ARFGEF3: variants seen among roughly 807,000 people sequenced by gnomAD.
ARFGEF3 encodes the protein brefeldin A-inhibited guanine nucleotide-exchange protein 3.
A neutral mutation model predicts 221.7 loss-of-function variants in ARFGEF3; 96 were observed. The observed-to-expected ratio is 0.43, with a 90% confidence interval of 0.37 to 0.51. The LOEUF is 0.51. Ranked by LOEUF, ARFGEF3 falls within the 20% of genes least tolerant of loss-of-function variation. ARFGEF3 has a pLI of 0.00. For synonymous variants in ARFGEF3, 1,145 were observed against 1,126.8 expected (o/e 1.02, Z -0.32); for missense variants, 2,410 against 2,789.9 (o/e 0.86, Z 3.07).
At position 138,298,658 on chromosome 6, in the gene ARFGEF3, A is replaced by G; in HGVS notation, c.3701A>G (p.His1234Arg). ...TCTCAGAAGGCTGTTTCCTTCATCC[A>G]TGACATACTGACAGAAGTCCTCACT... ...HVSQKAVSFI[H>R]DILTEVLTDW... Residue 1234 changes from histidine to arginine, a missense_variant, in exon 22 of 34, where the codon CAT (histidine) becomes CGT (arginine). Transcript: ENST00000251691. 1 of 1,613,640 alleles carries G rather than the reference A, an allele frequency of 6.2e-7. No individual in the cohort carries two copies. The highest frequency in any genetic ancestry group is 8.5e-7 in the Non-Finnish European group (1 of 1,179,776).
At chr6:138,194,011 C>G (rs929059948) in intron 2 of ARFGEF3, among the ~76,000 whole-genome samples, 5 of 152,114 alleles carry the variant, frequency 3.3e-5, no homozygotes, top group African/African-American at 7.2e-5. Context: ...CGGTGGCTCA[C>G]GCCTGTAATC....
At chr6:138,306,913 A>G (rs1478795983) in intron 22 of ARFGEF3, among the ~76,000 whole-genome samples, 1 of 151,746 alleles carries the variant, frequency 6.6e-6, no homozygotes, top group African/African-American at 2.4e-5. Flanking sequence ...GCTGTGGAAA[A>G]ATATTTGCAA....
intron 32 of ARFGEF3, 68 bp downstream of exon 32, chr6:138,328,210 C>T: frequency 6.7e-7 from 1 of 1,481,572 alleles, no homozygotes; most frequent in Non-Finnish European, 9.0e-7. Flanking sequence ...CCAGTTCTCA[C>T]ACATTGTAAT....
chr6:138,289,017 C>A (rs1185845593), intron 17 of ARFGEF3, among the ~76,000 whole-genome samples: 3 of 152,116 alleles, frequency 2.0e-5, no homozygotes, highest in Non-Finnish European at 2.9e-5. Context: ...GCAATGGCAC[C>A]ATCTCGGCTT....
intron 12 of ARFGEF3, among the ~76,000 whole-genome samples, chr6:138,264,531 C>T (rs1169032275): frequency 1.3e-5 from 2 of 152,158 alleles, no homozygotes; most frequent in African/African-American, 4.8e-5. Flanking sequence ...GGAACTGACA[C>T]AGAACTGCTA....
At position 138,291,387 on chromosome 6, in the gene ARFGEF3, A is replaced by G. The variant is rs1242986267; in HGVS notation, c.3048-346A>G. ...ATGGAGGGAAAGAGGGTGCCTGGGGAAAAATGGCTCAAACAGCAGGAGGGC... is the reference window on the plus strand; with the variant it reads ...ATGGAGGGAAAGAGGGTGCCTGGGGGAAAATGGCTCAAACAGCAGGAGGGC... On this transcript the variant is annotated intron_variant, in intron 18 of 33. Coordinates refer to ENST00000251691, the MANE Select transcript of ARFGEF3 (RefSeq NM_020340.5). This position sits in a 1 kb window ranked among gnomAD's most constrained non-coding sequence, Gnocchi z 4.5. Among the ~76,000 whole-genome samples the G allele has an allele frequency of 3.3e-5, 5 of 150,560 alleles. No individual in the cohort carries two copies. The highest frequency in any genetic ancestry group is 4.9e-5 in the African/African-American group (2 of 40,882).
chr6:138,224,913 C>T (rs1778051202), intron 4 of ARFGEF3, among the ~76,000 whole-genome samples: 1 of 152,210 alleles, frequency 6.6e-6, no homozygotes, highest in Non-Finnish European at 1.5e-5. Flanking sequence ...AAGCATGTTA[C>T]TTCATTAATA....
intron 12 of ARFGEF3, among the ~76,000 whole-genome samples, chr6:138,270,463 C>CACACACACACAT (rs879929949): frequency 7.8e-4 from 96 of 123,868 alleles, no homozygotes; most frequent in African/African-American, 1.8e-3. Context: ...CACACACACA[C>CACACACACACAT]ATATATATAT....
intron 4 of ARFGEF3, among the ~76,000 whole-genome samples, chr6:138,213,365 G>A (rs1221927586): frequency 6.6e-6 from 1 of 151,704 alleles, no homozygotes; most frequent in African/African-American, 2.4e-5. Context: ...TGCTGAGGCT[G>A]GAAAATTGCT....
rs5880380 is a variant in ARFGEF3, at chr6:138,285,454, CAA to C, written c.2462-475_2462-474del. Among the ~76,000 whole-genome samples the C allele has an allele frequency of 3.7e-3, 303 of 81,162 alleles. 1 individual carries two copies. Among genetic ancestry groups the C allele is most frequent in the African/African-American group, 9.9e-3 (246 of 24,732 alleles). 53.2% of individuals were successfully genotyped at this position (81,162 alleles called of 152,430 possible). A position where few individuals can be genotyped will look rare whatever the true frequency, so the allele number is the denominator to read the frequency against. On this transcript the variant is annotated intron_variant, in intron 14 of 33. Coordinates refer to ENST00000251691, the MANE Select transcript of ARFGEF3 (RefSeq NM_020340.5). ...GGGCGACAGAGTGAGACTCCCGTCT[CAA>C]AAAAAAAAAAAAAAAATTATAAGGT...
intron 4 of ARFGEF3, among the ~76,000 whole-genome samples, chr6:138,211,486 G>C (rs747059187): frequency 3.3e-5 from 5 of 152,092 alleles, no homozygotes; most frequent in East Asian, 1.9e-4. Context: ...CTTCTCCACT[G>C]TATCTGTGCC....
chr6:138,216,652 G>A (rs1777868808), intron 4 of ARFGEF3: 1 of 152,180 alleles, frequency 6.6e-6, no homozygotes, highest in Admixed American at 6.5e-5. Flanking sequence ...AAGTTTGAGA[G>A]TGAAATGGCT....
At position 138,234,082 on chromosome 6, in the gene ARFGEF3, G is replaced by A. The variant is rs369428415; in HGVS notation, c.420+4230G>A. The stretch of plus-strand genomic sequence containing the variant: ...TGGGCTTTGAGCACGTGCTTCTTTG[G>A]CAAGGAATTTCCATACCTCCCTTAA... On this transcript the variant is annotated intron_variant, in intron 5 of 33. Coordinates refer to ENST00000251691, the MANE Select transcript of ARFGEF3 (RefSeq NM_020340.5). Among the ~76,000 whole-genome samples, 134 of 152,202 alleles carry A rather than the reference G, an allele frequency of 8.8e-4. 4 individuals carry two copies. The South Asian group carries it at 0.026, about 29-fold the overall frequency.
chr6:138,228,134 C>G (rs1778121917), intron 4 of ARFGEF3, among the ~76,000 whole-genome samples: 1 of 151,858 alleles, frequency 6.6e-6, no homozygotes, highest in South Asian at 2.1e-4. Context: ...GCAGTTGCTA[C>G]CCAATCCCTT....
Position 138,263,521 on chromosome 6 carries a change from C to G in ARFGEF3, c.2038C>G (p.Leu680Val), listed in dbSNP as rs755890953. Reference protein sequence around the residue: ...QHSARLFIQSLEGLLPRLLSL... With the variant: ...QHSARLFIQSVEGLLPRLLSL... The stretch of plus-strand genomic sequence containing the variant: ...CAGCGCCAGGCTGTTCATACAGTCC[C>G]TGGAAGGCCTCCTCCCTCGGCTCCT... Residue 680 changes from leucine (L) to valine (V), a missense_variant, in exon 12 of 34, where the codon CTG (leucine) becomes GTG (valine). Physicochemically the swap from Leu to Val is conservative, Grantham distance 32 (BLOSUM62 1). Coordinates refer to ENST00000251691, the MANE Select transcript of ARFGEF3 (RefSeq NM_020340.5). The G allele has an allele frequency of 6.2e-7, 1 of 1,613,664 alleles. No individual in the cohort carries two copies. The highest frequency in any genetic ancestry group is 8.5e-7 in the Non-Finnish European group (1 of 1,179,866).
In ARFGEF3 at chr6:138,338,629, G is replaced by T. The variant is rs542542591; in HGVS notation, c.*2143G>T. 6.6e-6 allele frequency: 1 copy of T among 151,954 alleles called. No homozygotes were observed. The highest frequency in any genetic ancestry group is 2.4e-5 in the African/African-American group (1 of 41,366). 9.4% of individuals were successfully genotyped at this position (151,954 alleles called of 1,614,324 possible). A position where few individuals can be genotyped will look rare whatever the true frequency, so the allele number is the denominator to read the frequency against. ...AGGCTGGACAACATGGTGAAACCTC[G>T]TCTCTACTAAAAATACAAAAATTAG... On this transcript the variant is annotated 3_prime_UTR_variant, in exon 34 of 34. Coordinates refer to ENST00000251691, the MANE Select transcript of ARFGEF3 (RefSeq NM_020340.5).
chr6:138,331,669 G>A (rs1165993061), intron 32 of ARFGEF3, among the ~76,000 whole-genome samples: 1 of 152,192 alleles, frequency 6.6e-6, no homozygotes, highest in African/African-American at 2.4e-5. Flanking sequence ...ATCCAGTCTG[G>A]AGGCTGGCTT....
At chr6:138,237,267 G>A (rs983351429) in intron 5 of ARFGEF3, among the ~76,000 whole-genome samples, 14 of 152,120 alleles carry the variant, frequency 9.2e-5, no homozygotes, top group African/African-American at 2.9e-4. Flanking sequence ...ATGTAGGTGA[G>A]AATCCTGGAT....
chr6:138,197,894 G>C (rs924465682), intron 2 of ARFGEF3, among the ~76,000 whole-genome samples: 1 of 152,032 alleles, frequency 6.6e-6, no homozygotes, highest in Non-Finnish European at 1.5e-5. Context: ...TATTAAAATC[G>C]GTACAAATGG....
Sources: allele counts gnomAD v4.1 joint callset (sites outside exome capture counted in the v4.1 genomes callset), GRCh38; gene constraint gnomAD v4.1.1; non-coding constraint Gnocchi (gnomAD v3.1); transcripts MANE v1.5; gene names NCBI Gene and HGNC (gene_info 2026-07-23, HGNC 2026-07-21).